The following AKAP9 variants were observed in gnomAD, a reference collection of about 807,000 sequenced individuals.
AKAP9 encodes the protein A-kinase anchor protein 9.
A neutral mutation model predicts 488.5 loss-of-function variants in AKAP9; 311 were observed. The observed-to-expected ratio is 0.64, with a 90% CI of 0.58 to 0.70. The LOEUF (loss-of-function observed/expected upper bound fraction) is 0.70. Among genes scored for constraint, AKAP9 ranks in the 30% least tolerant of loss-of-function variants. The pLI, the probability that AKAP9 is intolerant of heterozygous loss-of-function variation, is 0.00. For synonymous variants in AKAP9, 1,462 were observed against 1,483.5 expected, an observed-to-expected ratio of 0.99 and a Z score of 0.33; for missense variants, 4,215 against 4,374.5, an observed-to-expected ratio of 0.96 and a Z score of 1.03.
rs542719048 is a variant in AKAP9 at position 92,021,228 on chromosome 7, C to A, written c.3838-1010C>A. ...TCTTCTGTATCATTGTTGTTATAGT[C>A]AAATTTTATAGTTTAGCCGTTCTCT... On this transcript the variant is annotated intron_variant, in intron 12 of 49. Transcript: ENST00000356239. 4.3e-4 allele frequency among the ~76,000 whole-genome samples: 66 copies of A among 152,102 alleles called. 1 individual carries two copies. The highest frequency in any genetic ancestry group is 9.1e-4 in the Non-Finnish European group (62 of 68,016).
intron 37 of AKAP9, among the ~76,000 whole-genome samples, chr7:92,087,819 A>G (rs1224271287): frequency 1.3e-5 from 2 of 151,754 alleles, no homozygotes; most frequent in Admixed American, 6.6e-5. Context: ...ATATTAAATG[A>G]TAGTGACAAA....
At chr7:92,093,356 T>C (rs1027913243) in intron 39 of AKAP9, 40 bp downstream of exon 39, 1 of 1,559,734 alleles carries the variant, frequency 6.4e-7, no homozygotes, top group Non-Finnish European at 8.8e-7. Context: ...TAACAAGGAG[T>C]GGGAGTAATT....
intron 22 of AKAP9, among the ~76,000 whole-genome samples, chr7:92,059,625 T>G (rs1809397473): frequency 6.6e-6 from 1 of 151,816 alleles, no homozygotes; most frequent in South Asian, 2.1e-4. Context: ...TTATAGTAAA[T>G]TTAAAAAAGA....
At chr7:92,031,050 A>T (rs987445702) in intron 15 of AKAP9, among the ~76,000 whole-genome samples, 1 of 152,214 alleles carries the variant, frequency 6.6e-6, no homozygotes, top group African/African-American at 2.4e-5. Context: ...TATGTTTTTT[A>T]AAAGTTTATG....
chr7:91,973,470 T>C (rs1057478665), intron 1 of AKAP9, among the ~76,000 whole-genome samples: 15 of 152,210 alleles, frequency 9.9e-5, no homozygotes, highest in African/African-American at 3.4e-4. Flanking sequence ...TGGGCTTATT[T>C]TCTTTTATTT....
At chr7:92,010,486 A>G (rs1379806425) in intron 8 of AKAP9, among the ~76,000 whole-genome samples, 1 of 152,232 alleles carries the variant, frequency 6.6e-6, no homozygotes, top group South Asian at 2.1e-4. Flanking sequence ...TGAGCGGCCC[A>G]GCCCCCTAGC....
intron 12 of AKAP9, 63 bp downstream of exon 12, chr7:92,017,165 G>A: frequency 7.8e-7 from 1 of 1,277,990 alleles, no homozygotes; most frequent in South Asian, 1.3e-5. Context: ...TTTTTTGTAA[G>A]CTGCTTTTAT....
At chr7:91,998,241 A>G (rs538376150) in intron 7 of AKAP9, among the ~76,000 whole-genome samples, 65 of 152,146 alleles carry the variant, frequency 4.3e-4, no homozygotes, top group Non-Finnish European at 6.8e-4. Context: ...ACAGGCCCCA[A>G]CCGGTACCGG....
chr7:92,009,559 A>T (rs1364503766), intron 8 of AKAP9, among the ~76,000 whole-genome samples: 2 of 152,250 alleles, frequency 1.3e-5, no homozygotes, highest in Non-Finnish European at 2.9e-5. Context: ...CAACGAATAT[A>T]TAATTGCTTA....
In AKAP9 at chr7:92,018,451, T is replaced by C. The variant is rs557249873; in HGVS notation, c.3837+1349T>C. Among the ~76,000 whole-genome samples, 69 of 136,654 alleles carry C rather than the reference T, an allele frequency of 5.0e-4. No individual in the cohort carries two copies. In the South Asian group the frequency reaches 7.5e-3, roughly 15 times the overall value. The allele number at this position is 136,654 out of a possible 152,430, so 89.7% of individuals were successfully genotyped here. On this transcript the variant is annotated intron_variant, in intron 12 of 49. Coordinates refer to ENST00000356239, the MANE Select transcript of AKAP9 (RefSeq NM_005751.5). The stretch of plus-strand genomic sequence containing the variant: ...ACACACACACACACACAGAGAAATA[T>C]TCAAAACTAAATGTTCTGTTTTAAG...
chr7:91,960,638 A>G (rs1439154991), intron 1 of AKAP9, among the ~76,000 whole-genome samples: 1 of 152,120 alleles, frequency 6.6e-6, no homozygotes, highest in Admixed American at 6.5e-5. Context: ...ACTTGAGATG[A>G]TATATTTCTG....
At chr7:91,984,516 T>G (rs890289582) in intron 3 of AKAP9, among the ~76,000 whole-genome samples, 1 of 152,230 alleles carries the variant, frequency 6.6e-6, no homozygotes, top group African/African-American at 2.4e-5. Flanking sequence ...AGTATCATGC[T>G]GTTTTGGTTA....
intron 8 of AKAP9, among the ~76,000 whole-genome samples, chr7:92,007,745 G>T (rs936414614): frequency 2.6e-5 from 4 of 152,134 alleles, no homozygotes; most frequent in Non-Finnish European, 5.9e-5. Flanking sequence ...AAATGCACAA[G>T]AAGAGTCAAT....
At chr7:91,979,934 T>G (rs1796176092) in intron 2 of AKAP9, among the ~76,000 whole-genome samples, 3 of 152,178 alleles carry the variant, frequency 2.0e-5, no homozygotes, top group Non-Finnish European at 4.4e-5. Flanking sequence ...GTAACTGAAA[T>G]TATAGGAAGC....
intron 12 of AKAP9, among the ~76,000 whole-genome samples, chr7:92,018,113 G>A (rs1195634021): frequency 1.3e-5 from 2 of 152,226 alleles, no homozygotes; most frequent in Non-Finnish European, 2.9e-5. Context: ...TCCAAAAGGA[G>A]CGGCGGCTGC....
chr7:92,108,480 T>G lies in AKAP9; in HGVS notation c.11547-14T>G. ...TGGATAACTTGATTCATGTACATAT[T>G]TTTAATCCTTTAGGTACCCAGGCAC... On this transcript the variant is annotated splice_polypyrimidine_tract_variant and intron_variant, in intron 48 of 49. Coordinates refer to ENST00000356239, the MANE Select transcript of AKAP9 (RefSeq NM_005751.5). 1 of 1,613,620 alleles carries G rather than the reference T, an allele frequency of 6.2e-7. No homozygotes were observed. Among genetic ancestry groups the G allele is most frequent in the Non-Finnish European group, 8.5e-7 (1 of 1,179,984 alleles).
Position 92,042,765 on chromosome 7 carries a change from A to T in AKAP9, c.5156A>T (p.Asn1719Ile). Reference sequence around the variant, plus strand: ...GATGTGCCTCCTGAGATTTTGTCTAATGAAAGGTATACAAAATGTGTACTT... The same window carrying T: ...GATGTGCCTCCTGAGATTTTGTCTATTGAAAGGTATACAAAATGTGTACTT... ...PEDVPPEILS[N>I]ERYALQKANN... The change falls in exon 20 of 50, where the codon AAT (asparagine) becomes ATT (isoleucine). Residue 1719 changes from asparagine to isoleucine, a missense_variant. Transcript: ENST00000356239. 6.2e-7 allele frequency: 1 copy of T among 1,600,812 alleles called. No homozygotes were observed. Among genetic ancestry groups the T allele is most frequent in the Non-Finnish European group, 8.6e-7 (1 of 1,168,626 alleles).
At chr7:92,006,687 A>T (rs1283092148) in intron 8 of AKAP9, among the ~76,000 whole-genome samples, 1 of 152,234 alleles carries the variant, frequency 6.6e-6, no homozygotes, top group Non-Finnish European at 1.5e-5. Flanking sequence ...TGTGGATGCC[A>T]CACAGATATC....
chr7:92,098,203 C>T lies in AKAP9; in HGVS notation c.10702C>T (p.Gln3568Ter), dbSNP rs1354453667. ...ILQLQKLTGQ[Q>*]GEEPSLVSPS... is the part of the protein sequence containing the mutation. Reference sequence around the variant, plus strand: ...ACAACTACAGAAATTAACTGGCCAGCAAGGTGAAGAGGTAATACTTTTTAA... The same window carrying T: ...ACAACTACAGAAATTAACTGGCCAGTAAGGTGAAGAGGTAATACTTTTTAA... Residue 3568 changes from glutamine (Q) to a stop codon, truncating the protein, a stop_gained, in exon 43 of 50, where the codon CAA (glutamine) becomes TAA (stop). Transcript: ENST00000356239. LOFTEE classifies it high-confidence loss of function. The T allele has an allele frequency of 6.3e-7, 1 of 1,599,180 alleles. No individual in the cohort carries two copies. Among genetic ancestry groups the T allele is most frequent in the African/African-American group, 1.3e-5 (1 of 74,556 alleles).
Sources: gnomAD v4.1 joint callset for allele counts (sites outside exome capture counted in the v4.1 genomes callset) on GRCh38, gnomAD v4.1.1 for gene constraint, MANE v1.5 for transcripts, NCBI Gene and HGNC (gene_info 2026-07-23, HGNC 2026-07-21) for gene names.